The following KAT2A variants were observed in gnomAD, a reference collection of about 807,000 sequenced individuals.
KAT2A encodes lysine acetyltransferase 2A, also known as histone acetyltransferase KAT2A.
In KAT2A, 42 loss-of-function variants were observed where a neutral mutation model predicts 95.2. The ratio of observed to expected loss-of-function variants is 0.44; its 90% CI spans 0.34 to 0.57. KAT2A has a LOEUF of 0.57. KAT2A is among the 20% of genes least tolerant of loss of function. The probability of loss-of-function intolerance (pLI) is 0.01; values close to 1 mark genes in which losing one functional copy is unlikely to be tolerated. For synonymous variants in KAT2A, 449 were observed against 448.2 expected (o/e 1.00, Z -0.02); for missense variants, 784 against 1,126.3 (o/e 0.70, Z 4.35).
chr17:42,114,792 C>T lies in KAT2A; in HGVS notation c.2019+100G>A. ...TGGCCTGCCCCTCCTCACTCACACA[C>T]ATATATGCATGTAGACGTAGAACAG... On this transcript the variant is annotated intron_variant, in intron 13 of 17. Coordinates refer to ENST00000225916, the MANE Select transcript of KAT2A (RefSeq NM_021078.3). The surrounding 1 kb of genome is among the most constrained non-coding windows in gnomAD (Gnocchi z 6.0). 7.5e-7 allele frequency: 1 copy of T among 1,341,250 alleles called. No individual in the cohort carries two copies. The highest frequency in any genetic ancestry group is 1.3e-5 in the South Asian group (1 of 78,990). 83.1% of individuals were successfully genotyped at this position (1,341,250 alleles called of 1,614,324 possible).
At position 42,121,204 on chromosome 17, in the gene KAT2A, G is replaced by A. The variant is rs1471036618; in HGVS notation, c.101C>T (p.Pro34Leu). The change falls in exon 1 of 18, where the codon CCG (proline) becomes CTG (leucine). Residue 34 changes from proline (P) to leucine (L), a missense_variant. Pro to Leu is a moderately conservative substitution (Grantham distance 98, BLOSUM62 -3). This residue lies in a region of KAT2A where 142 missense variants were observed against 123.2 expected (regional missense o/e 1.15). Transcript: ENST00000225916. ...PAPTPTPAPS[P>L]ASAPIPTPTP... ...GGGAGTCGGAATCGGGGCTGAAGCCGGGCTGGGTGCAGGAGTCGGAGTTGG... is the reference window on the plus strand; with the variant it reads ...GGGAGTCGGAATCGGGGCTGAAGCCAGGCTGGGTGCAGGAGTCGGAGTTGG... 2 of 1,358,536 alleles carry A rather than the reference G, an allele frequency of 1.5e-6. No homozygotes were observed. The highest frequency in any genetic ancestry group is 1.5e-5 in the African/African-American group (1 of 67,652). The allele number at this position is 1,358,536 out of a possible 1,614,324, so 84.2% of individuals were successfully genotyped here.
At chr17:42,118,076 A>C (rs1187122574) in intron 7 of KAT2A, 59 bp from the exon 8 acceptor site, 11 of 995,408 alleles carry the variant, frequency 1.1e-5, no homozygotes, top group Non-Finnish European at 1.4e-5. Context: ...GAGAGAGAGA[A>C]GTCAGGGACG....
Position 42,119,546 on chromosome 17 carries a change from T to C in KAT2A, c.872A>G (p.Asn291Ser), listed in dbSNP as rs1555666855. The C allele has an allele frequency of 2.5e-6, 4 of 1,595,184 alleles. No individual in the cohort carries two copies. Among genetic ancestry groups the C allele is most frequent in the Non-Finnish European group, 3.4e-6 (4 of 1,169,260 alleles). ...QAEDVATYKV[N>S]YTRWLCYCHV... Reference sequence around the variant, plus strand: ...CCCTGGCTGGGCCTACCTGGTGTAATTGACCTTGTAGGTAGCCACGTCCTC... The same window carrying C: ...CCCTGGCTGGGCCTACCTGGTGTAACTGACCTTGTAGGTAGCCACGTCCTC... The change falls in exon 5 of 18, where the codon AAT becomes AGT. Residue 291 changes from asparagine (N) to serine (S), a missense_variant. Asn to Ser is a conservative substitution (Grantham distance 46). This residue lies in a region of KAT2A where 208 missense variants were observed against 339.7 expected (regional missense o/e 0.61). Coordinates refer to ENST00000225916, the MANE Select transcript of KAT2A (RefSeq NM_021078.3). The surrounding 1 kb of genome is among the most constrained non-coding windows in gnomAD (Gnocchi z 5.3).
rs1180798969 is a variant in KAT2A, at chr17:42,119,965, G to C, written c.699+65C>G. The stretch of plus-strand genomic sequence containing the variant: ...CAGCTTGAGGAGAATGGAGAACACA[G>C]GCTCCCCACTCCTCCAAGCTGTCCC... On this transcript the variant is annotated intron_variant, in intron 4 of 17. Coordinates refer to ENST00000225916, the MANE Select transcript of KAT2A (RefSeq NM_021078.3). The surrounding 1 kb of genome is among the most constrained non-coding windows in gnomAD (Gnocchi z 5.3). 2.2e-6 allele frequency: 3 copies of C among 1,380,898 alleles called. No individual in the cohort carries two copies. The highest frequency in any genetic ancestry group is 3.1e-6 in the Non-Finnish European group (3 of 970,172). The allele number at this position is 1,380,898 out of a possible 1,614,324, so 85.5% of individuals were successfully genotyped here.
intron 17 of KAT2A, 68 bp downstream of exon 17, chr17:42,113,932 C>T (rs1598226869): frequency 5.4e-6 from 8 of 1,472,100 alleles, no homozygotes; most frequent in South Asian, 4.1e-5. Flanking sequence ...GGCTGCAGGG[C>T]GCAGTGAGGG....
chr17:42,114,061 G>A lies in KAT2A; in HGVS notation c.2259C>T (p.Phe753=). 6.5e-7 allele frequency: 1 copy of A among 1,531,672 alleles called. No individual in the cohort carries two copies. 94.9% of individuals were successfully genotyped at this position (1,531,672 alleles called of 1,614,324 possible). A position where few individuals can be genotyped will look rare whatever the true frequency, so the allele number is the denominator to read the frequency against. Residue 753 remains phenylalanine (F), a synonymous_variant, in exon 17 of 18, where the codon TTC becomes TTT. Coordinates refer to ENST00000225916, the MANE Select transcript of KAT2A (RefSeq NM_021078.3). The surrounding 1 kb of genome is among the most constrained non-coding windows in gnomAD (Gnocchi z 6.0). ...QIKSHPSAWP[F]MEPVKKSEAP... is the part of the protein sequence containing the mutation. ...CCTCCGACTTCTTCACAGGCTCCAT[G>A]AAGGGCCAGGCACTGGGGTGAGACT...
intron 2 of KAT2A, 56 bp downstream of exon 2, chr17:42,120,650 C>T: frequency 6.2e-7 from 1 of 1,610,018 alleles, no homozygotes; most frequent in Admixed American, 1.7e-5. Context: ...ACTTGTCACC[C>T]TGTCCAAGCA....
rs1555666093 is a variant in KAT2A, at chr17:42,117,078, G to A, written c.1721C>T (p.Thr574Met). The A allele has an allele frequency of 1.2e-6, 2 of 1,614,136 alleles. No homozygotes were observed. The highest frequency in any genetic ancestry group is 1.7e-6 in the Non-Finnish European group (2 of 1,180,040). Residue 574 changes from threonine to methionine, a missense_variant, in exon 11 of 18, where the codon ACG (threonine) becomes ATG (methionine). Thr to Met is a moderately conservative substitution (Grantham distance 81, BLOSUM62 -1). Coordinates refer to ENST00000225916, the MANE Select transcript of KAT2A (RefSeq NM_021078.3). This position sits in a 1 kb window ranked among gnomAD's most constrained non-coding sequence, Gnocchi z 8.9. Reference protein sequence around the residue: ...CFRMFPTQGFTEIVFCAVTSN... With the variant: ...CFRMFPTQGFMEIVFCAVTSN... ...GGTGACAGCACAGAAGACAATCTCC[G>A]TGAAGCCCTGGGTGGGAAACATGCG... is the stretch of plus-strand genomic sequence containing the variant.
chr17:42,120,612 G>T, intron 2 of KAT2A, 94 bp downstream of exon 2: 6 of 1,518,134 alleles, frequency 4.0e-6, no homozygotes, highest in Non-Finnish European at 5.4e-6. Context: ...AGGCATCTTT[G>T]ATTTTTTCAG....
chr17:42,118,045 G>C lies in KAT2A; in HGVS notation c.1181-28C>G, dbSNP rs782270059. The C allele has an allele frequency of 1.6e-5, 21 of 1,342,536 alleles. No individual in the cohort carries two copies. In the African/African-American group the frequency reaches 2.4e-4, roughly 15 times the overall value. 83.2% of individuals were successfully genotyped at this position (1,342,536 alleles called of 1,614,324 possible). ...GAGGAGAGAGAGAGACGTCAGGGAT[G>C]GGGGGCTGAAGCTGAGGAGAGAGAG... On this transcript the variant is annotated intron_variant, in intron 7 of 17. Coordinates refer to ENST00000225916, the MANE Select transcript of KAT2A (RefSeq NM_021078.3).
chr17:42,115,129 C>T, intron 12 of KAT2A, 94 bp from the exon 13 acceptor site: 2 of 1,273,902 alleles, frequency 1.6e-6, no homozygotes, highest in Non-Finnish European at 2.2e-6. Context: ...TAGCACGTGC[C>T]ACTTGCCACC....
At position 42,118,037 on chromosome 17, in the gene KAT2A, T is replaced by C; in HGVS notation, c.1181-20A>G. 7.6e-7 allele frequency: 1 copy of C among 1,324,390 alleles called. No individual in the cohort carries two copies. The highest frequency in any genetic ancestry group is 1.4e-5 in the South Asian group (1 of 71,548). 82.0% of individuals were successfully genotyped at this position (1,324,390 alleles called of 1,614,324 possible). A position where few individuals can be genotyped will look rare whatever the true frequency, so the allele number is the denominator to read the frequency against. On this transcript the variant is annotated intron_variant, in intron 7 of 17. Coordinates refer to ENST00000225916, the MANE Select transcript of KAT2A (RefSeq NM_021078.3). ...CTGAAGCTGAGGAGAGAGAGAGACG[T>C]CAGGGATGGGGGGCTGAAGCTGAGG...
chr17:42,113,602 T>A lies in KAT2A; in HGVS notation c.*47A>T. 3 of 1,561,086 alleles carry A rather than the reference T, an allele frequency of 1.9e-6. No individual in the cohort carries two copies. Among genetic ancestry groups the A allele is most frequent in the Non-Finnish European group, 2.6e-6 (3 of 1,152,144 alleles). On this transcript the variant is annotated 3_prime_UTR_variant, in exon 18 of 18. Coordinates refer to ENST00000225916, the MANE Select transcript of KAT2A (RefSeq NM_021078.3). ...GCACCCCCTAAGGATCAGATCAGAA[T>A]CCGAGGTGGAGACATTCCAGGTCAG... is the stretch of plus-strand genomic sequence containing the variant.
In KAT2A at chr17:42,113,756, T is replaced by C; in HGVS notation, c.2407A>G (p.Asn803Asp). Residue 803 changes from asparagine to aspartate, a missense_variant, in exon 18 of 18, where the codon AAC becomes GAC. Asn to Asp is a conservative substitution (Grantham distance 23, BLOSUM62 1). Around this residue, in one of 6 missense-constraint regions of KAT2A, gnomAD observed 195 missense variants for 247.1 expected, o/e 0.79. Transcript: ENST00000225916. Reference sequence around the variant, plus strand: ...TCCGGGGGGTTGTACTCGCGACAGTTGGCGATGACCCGCTGCAGGTCGGCC... The same window carrying C: ...TCCGGGGGGTTGTACTCGCGACAGTCGGCGATGACCCGCTGCAGGTCGGCC... ...FVADLQRVIA[N>D]CREYNPPDSE... 1 of 1,610,370 alleles carries C rather than the reference T, an allele frequency of 6.2e-7. No homozygotes were observed. The highest frequency in any genetic ancestry group is 1.7e-5 in the Admixed American group (1 of 58,740).
Position 42,113,704 on chromosome 17 carries a change from G to T in KAT2A, c.2459C>A (p.Ala820Asp). The T allele has an allele frequency of 6.2e-7, 1 of 1,611,610 alleles. No individual in the cohort carries two copies. The highest frequency in any genetic ancestry group is 8.5e-7 in the Non-Finnish European group (1 of 1,179,232). The part of the protein sequence containing the change: ...PDSEYCRCAS[A>D]LEKFFYFKLK... ...CTTGAAGTAGAAGAACTTCTCCAGG[G>T]CGCTGGCACAGCGGCAGTACTCGCT... The change falls in exon 18 of 18, where the codon GCC becomes GAC. Residue 820 changes from alanine (A) to aspartate (D), a missense_variant. By Grantham distance (126) the Ala-to-Asp change is moderately radical. This residue lies in a region of KAT2A where 195 missense variants were observed against 247.1 expected (regional missense o/e 0.79). Transcript: ENST00000225916.
At position 42,114,736 on chromosome 17, in the gene KAT2A, C is replaced by G; in HGVS notation, c.2020-132G>C. Reference sequence around the variant, plus strand: ...AATCCAGCACCTCCCCTCATAACTTCCCCAAGGGAGCAGAGCAAGAGCCAA... The same window carrying G: ...AATCCAGCACCTCCCCTCATAACTTGCCCAAGGGAGCAGAGCAAGAGCCAA... On this transcript the variant is annotated intron_variant, in intron 13 of 17. Transcript: ENST00000225916. The surrounding 1 kb of genome is among the most constrained non-coding windows in gnomAD (Gnocchi z 6.0). 1 of 1,173,988 alleles carries G rather than the reference C, an allele frequency of 8.5e-7. No homozygotes were observed. The highest frequency in any genetic ancestry group is 1.2e-6 in the Non-Finnish European group (1 of 810,502). 72.7% of individuals were successfully genotyped at this position (1,173,988 alleles called of 1,614,324 possible). A position where few individuals can be genotyped will look rare whatever the true frequency, so the allele number is the denominator to read the frequency against.
Position 42,113,992 on chromosome 17 carries a change from G to A in KAT2A, c.2320+8C>T. ...AGGAGGGAAGGGGATGGAATGGAAG[G>A]TCCTCACCAATGGGGAAGCGGATGA... On this transcript the variant is annotated splice_region_variant and intron_variant, in intron 17 of 17. Coordinates refer to ENST00000225916, the MANE Select transcript of KAT2A (RefSeq NM_021078.3). 6.6e-7 allele frequency: 1 copy of A among 1,511,152 alleles called. No individual in the cohort carries two copies. The highest frequency in any genetic ancestry group is 8.8e-7 in the Non-Finnish European group (1 of 1,132,978). 93.6% of individuals were successfully genotyped at this position (1,511,152 alleles called of 1,614,324 possible).
chr17:42,114,216 C>T lies in KAT2A; in HGVS notation c.2235+3G>A, dbSNP rs756806902. 228 of 1,594,926 alleles carry T rather than the reference C, an allele frequency of 1.4e-4. 1 individual carries two copies. Among genetic ancestry groups the T allele is most frequent in the Non-Finnish European group, 1.9e-4 (223 of 1,169,540 alleles). ...CCCTGGAAAGGAAACCTGGTCTCCC[C>T]ACCTTGATTTGGGCCAGCAGGTTTT... is the stretch of plus-strand genomic sequence containing the variant. On this transcript the variant is annotated splice_donor_region_variant and intron_variant, in intron 16 of 17. Coordinates refer to ENST00000225916, the MANE Select transcript of KAT2A (RefSeq NM_021078.3). This position sits in a 1 kb window ranked among gnomAD's most constrained non-coding sequence, Gnocchi z 6.0.
intron 6 of KAT2A, 137 bp from the exon 7 acceptor site, chr17:42,118,540 C>T (rs1276752539): frequency 6.2e-6 from 4 of 642,050 alleles, no homozygotes; most frequent in African/African-American, 5.4e-5. Context: ...GGGACAGCCC[C>T]TGTCTTCTGG....
Sources: allele counts gnomAD v4.1 joint callset, GRCh38; gene constraint gnomAD v4.1.1; regional missense constraint gnomAD v4.1.1; non-coding constraint Gnocchi (gnomAD v3.1); transcripts MANE v1.5; gene names NCBI Gene and HGNC (gene_info 2026-07-23, HGNC 2026-07-21).